The following CSMD1 variants were observed in gnomAD, a reference collection of about 807,000 sequenced individuals.
The protein encoded by CSMD1 is CUB and Sushi multiple domains 1, also known as CUB and sushi domain-containing protein 1.
Under a neutral mutation model 417.5 loss-of-function variants are expected in CSMD1, and 213 were observed. The observed-to-expected ratio is 0.51, with a 90% confidence interval of 0.46 to 0.57. The LOEUF (loss-of-function observed/expected upper bound fraction) is 0.57, where lower values mean the gene tolerates loss of function less well. CSMD1 is among the 20% of genes least tolerant of loss of function. The pLI is 0.00. For synonymous variants in CSMD1, 2,862 were observed against 1,736.8 expected, an observed-to-expected ratio of 1.65 and a Z score of -16.11; for missense variants, 6,923 against 4,529.7, an observed-to-expected ratio of 1.53 and a Z score of -15.17.
intron 49 of CSMD1, among the ~76,000 whole-genome samples, chr8:3,073,018 ACT>A (rs1253112534): frequency 2.6e-5 from 4 of 152,184 alleles, no homozygotes; most frequent in African/African-American, 7.2e-5. Flanking sequence ...AATTTTTTCC[ACT>A]CTTTTTTGTA....
chr8:2,969,305 T>C (rs1438215418), intron 57 of CSMD1, among the ~76,000 whole-genome samples: 1 of 152,136 alleles, frequency 6.6e-6, no homozygotes, highest in African/African-American at 2.4e-5. Context: ...CATAATTTCA[T>C]CTGAAAGAGA....
intron 2 of CSMD1, among the ~76,000 whole-genome samples, chr8:4,603,145 A>G (rs1336940276): frequency 6.6e-6 from 1 of 152,024 alleles, no homozygotes; most frequent in African/African-American, 2.4e-5. Flanking sequence ...AGACATAGCT[A>G]TATTAATTAC....
intron 3 of CSMD1, among the ~76,000 whole-genome samples, chr8:4,171,361 G>C (rs1464334411): frequency 6.6e-6 from 1 of 151,780 alleles, no homozygotes. Flanking sequence ...TACCTTCCTT[G>C]AATTTTCTCT....
chr8:3,800,278 G>A (rs1383948), intron 5 of CSMD1, among the ~76,000 whole-genome samples: 4 of 151,914 alleles, frequency 2.6e-5, no homozygotes, highest in African/African-American at 4.8e-5. Flanking sequence ...AATACAAGAA[G>A]TTTAATGCCA....
intron 46 of CSMD1, among the ~76,000 whole-genome samples, chr8:3,103,161 A>C (rs1439298580): frequency 1.3e-5 from 2 of 152,214 alleles, no homozygotes; most frequent in Non-Finnish European, 2.9e-5. Context: ...ACTTACACAT[A>C]GACATATAGC....
At chr8:4,337,355 C>T (rs1160884087) in intron 3 of CSMD1, among the ~76,000 whole-genome samples, 1 of 152,066 alleles carries the variant, frequency 6.6e-6, no homozygotes, top group Non-Finnish European at 1.5e-5. Context: ...TTGTTGCAAA[C>T]TTCCACCTAA....
At chr8:4,249,783 G>A (rs1802941882) in intron 3 of CSMD1, among the ~76,000 whole-genome samples, 1 of 152,116 alleles carries the variant, frequency 6.6e-6, no homozygotes. Flanking sequence ...GGCACTTGGG[G>A]AAATGAAGAA....
At chr8:4,244,773 G>C (rs539373006) in intron 3 of CSMD1, among the ~76,000 whole-genome samples, 1 of 152,224 alleles carries the variant, frequency 6.6e-6, no homozygotes, top group East Asian at 1.9e-4. Context: ...TAAAGAAAAA[G>C]AGAAGGGATA....
chr8:4,463,046 T>C (rs776187675), intron 2 of CSMD1, among the ~76,000 whole-genome samples: 2 of 152,088 alleles, frequency 1.3e-5, no homozygotes, highest in African/African-American at 4.8e-5. Context: ...TTATATAAAA[T>C]ATAAATAACT....
At chr8:4,474,421 G>T (rs948552934) in intron 2 of CSMD1, among the ~76,000 whole-genome samples, 2 of 152,166 alleles carry the variant, frequency 1.3e-5, no homozygotes, top group Non-Finnish European at 2.9e-5. Flanking sequence ...AAGGCAGAGG[G>T]TCATAGAAGT....
intron 3 of CSMD1, among the ~76,000 whole-genome samples, chr8:4,315,729 CA>C (rs1206593970): frequency 6.6e-6 from 1 of 152,018 alleles, no homozygotes; most frequent in South Asian, 2.1e-4. Context: ...TTGAGCTGTG[CA>C]AAAAAGAAAC....
chr8:4,809,024 C>T lies in CSMD1; in HGVS notation c.86-171466G>A, dbSNP rs373181057. Among the ~76,000 whole-genome samples the T allele has an allele frequency of 1.2e-4, 19 of 152,210 alleles. 1 individual carries two copies. Among genetic ancestry groups the T allele is most frequent in the African/African-American group, 4.3e-4 (18 of 41,534 alleles). On this transcript the variant is annotated intron_variant, in intron 1 of 69. Coordinates refer to ENST00000635120, the MANE Select transcript of CSMD1 (RefSeq NM_033225.6). ...TCTTGATCTTATTGAGTTGTCTTGC[C>T]GAGTTTTACTTTCCAGTCACACAGA...
At chr8:4,990,396 T>C in intron 1 of CSMD1, among the ~76,000 whole-genome samples, 1 of 151,888 alleles carries the variant, frequency 6.6e-6, no homozygotes, top group African/African-American at 2.4e-5. Context: ...GGAGCTTAGC[T>C]TTTGTTGCCC....
At chr8:4,380,051 A>G (rs756922004) in intron 3 of CSMD1, among the ~76,000 whole-genome samples, 1 of 152,234 alleles carries the variant, frequency 6.6e-6, no homozygotes, top group African/African-American at 2.4e-5. Flanking sequence ...TTAAATATCC[A>G]TCAATCCATA....
At chr8:3,111,677 C>G (rs769063116) in intron 42 of CSMD1, among the ~76,000 whole-genome samples, 2 of 151,974 alleles carry the variant, frequency 1.3e-5, no homozygotes, top group African/African-American at 2.4e-5. Context: ...ACTAAAAATA[C>G]AAAAATCAGC....
chr8:4,245,256 C>A (rs542433780), intron 3 of CSMD1, among the ~76,000 whole-genome samples: 1 of 152,144 alleles, frequency 6.6e-6, no homozygotes. Flanking sequence ...ACCTGCATTA[C>A]GCAATGAATT....
At chr8:4,149,631 T>C (rs1796460982) in intron 3 of CSMD1, among the ~76,000 whole-genome samples, 1 of 152,176 alleles carries the variant, frequency 6.6e-6, no homozygotes, top group South Asian at 2.1e-4. Context: ...TGTAGAATCA[T>C]CCTAGCTCAA....
Position 3,307,953 on chromosome 8 carries a change from C to T in CSMD1, c.3824-132G>A, listed in dbSNP as rs927769709. The T allele has an allele frequency of 6.1e-6, 6 of 986,418 alleles. No individual in the cohort carries two copies. The African/African-American group carries it at 9.8e-5, about 16-fold the overall frequency. The allele number at this position is 986,418 out of a possible 1,614,324, so 61.1% of individuals were successfully genotyped here. On this transcript the variant is annotated intron_variant, in intron 24 of 69. Coordinates refer to ENST00000635120, the MANE Select transcript of CSMD1 (RefSeq NM_033225.6). Reference sequence around the variant, plus strand: ...GAAAAAGAATCACCATCATCTCTCTCTCCTGACCGTTTCAATATTTCTTCC... The same window carrying T: ...GAAAAAGAATCACCATCATCTCTCTTTCCTGACCGTTTCAATATTTCTTCC...
chr8:3,187,849 G>GGAAA lies in CSMD1; in HGVS notation c.5620+16_5620+19dup. ...TGCAGATTTTGAGTCACACAGGTGA[G>GGAAA]GAAATTGACTCCATCTTACCTGAGA... On this transcript the variant is annotated intron_variant, in intron 36 of 69. Transcript: ENST00000635120. The GGAAA allele has an allele frequency of 6.3e-7, 1 of 1,591,512 alleles. No homozygotes were observed. The highest frequency in any genetic ancestry group is 1.1e-5 in the South Asian group (1 of 89,854).
Sources: allele counts gnomAD v4.1 joint callset (sites outside exome capture counted in the v4.1 genomes callset), GRCh38; gene constraint gnomAD v4.1.1; transcripts MANE v1.5; gene names NCBI Gene and HGNC (gene_info 2026-07-23, HGNC 2026-07-21).